Variants in SHMT2 observed in about 807,000 individuals in gnomAD.
The protein encoded by SHMT2 is serine hydroxymethyltransferase, mitochondrial.
Under a neutral mutation model 59.6 loss-of-function variants are expected in SHMT2, and 38 were observed. The ratio of observed to expected loss-of-function variants is 0.64; its 90% CI spans 0.49 to 0.84. SHMT2 has a LOEUF of 0.84. Among genes scored for constraint, SHMT2 ranks in the 40% least tolerant of loss-of-function variants. The pLI is 0.00. For synonymous variants in SHMT2, 254 were observed against 258.1 expected (o/e 0.98, Z 0.15); for missense variants, 533 against 659.5 (o/e 0.81, Z 2.10).
intron 2 of SHMT2, 25 bp downstream of exon 2, chr12:57,231,025 G>T: frequency 6.2e-7 from 1 of 1,610,192 alleles, no homozygotes; most frequent in Non-Finnish European, 8.5e-7. Context: ...GATGGGCAGG[G>T]GTTGGGCCAC....
Position 57,234,799 on chromosome 12 carries a change from G to A in SHMT2, c.*438G>A, listed in dbSNP as rs369375949. ...ATTTGTCTCCCTCAATGTGTACACC[G>A]CTCCGCTCCCACCACCGCTACCACA... On this transcript the variant is annotated 3_prime_UTR_variant, in exon 12 of 12. Transcript: ENST00000328923. The A allele has an allele frequency of 2.0e-4, 32 of 157,934 alleles. No homozygotes were observed. The highest frequency in any genetic ancestry group is 3.9e-4 in the South Asian group (2 of 5,082). The allele number at this position is 157,934 out of a possible 1,614,324, so 9.8% of individuals were successfully genotyped here.
Position 57,234,222 on chromosome 12 carries a change from C to T in SHMT2, c.1388-12C>T, listed in dbSNP as rs2037459781. 1 of 1,610,074 alleles carries T rather than the reference C, an allele frequency of 6.2e-7. No individual in the cohort carries two copies. The highest frequency in any genetic ancestry group is 1.1e-5 in the South Asian group (1 of 90,614). On this transcript the variant is annotated splice_polypyrimidine_tract_variant and intron_variant, in intron 11 of 11. Coordinates refer to ENST00000328923, the MANE Select transcript of SHMT2 (RefSeq NM_005412.6). ...AGCTCTGACCACTTGTTTCCTCACC[C>T]TCTCTCTCTAGCCAAGCTCCAGGAT...
chr12:57,232,681 G>A, intron 6 of SHMT2, 23 bp from the exon 7 acceptor site: 1 of 1,607,096 alleles, frequency 6.2e-7, no homozygotes, highest in Non-Finnish European at 8.5e-7. Context: ...CCAGGCTGAG[G>A]CCTTGCCTCT....
At chr12:57,231,949 C>T (rs781698325) in intron 4 of SHMT2, 36 bp downstream of exon 4, 15 of 1,572,632 alleles carry the variant, frequency 9.5e-6, no homozygotes, top group Non-Finnish European at 1.3e-5. Context: ...GTCTTGGCGG[C>T]AGGATTGGTG....
rs1422073935 is a variant in SHMT2, at chr12:57,234,499, CCCTT to C, written c.*141_*144del. 2.1e-5 allele frequency: 18 copies of C among 871,500 alleles called. No homozygotes were observed. In the African/African-American group the frequency reaches 2.7e-4, roughly 13 times the overall value. 54.0% of individuals were successfully genotyped at this position (871,500 alleles called of 1,614,324 possible). ...TTAGGGCAAGAGCCAGGTATAGTCT[CCCTT>C]CCCAGAATTTGTAACTGAGAAGATC... On this transcript the variant is annotated 3_prime_UTR_variant, in exon 12 of 12. Coordinates refer to ENST00000328923, the MANE Select transcript of SHMT2 (RefSeq NM_005412.6).
In SHMT2 at chr12:57,231,539, C is replaced by T; in HGVS notation, c.290C>T (p.Ser97Leu). The T allele has an allele frequency of 1.2e-6, 2 of 1,614,186 alleles. No homozygotes were observed. The highest frequency in any genetic ancestry group is 1.1e-5 in the South Asian group (1 of 91,076). The change falls in exon 3 of 12, where the codon TCG becomes TTG. Residue 97 changes from serine (S) to leucine (L), a missense_variant. By Grantham distance (145) the Ser-to-Leu change is moderately radical. Transcript: ENST00000328923. ...GGGTCCTGTCTGAACAACAAGTACT[C>T]GGAGGGTTATCCTGGCAAGAGGTGA... ...ALGSCLNNKY[S>L]EGYPGKRYYG...
In SHMT2 at chr12:57,233,994, T is replaced by C. The variant is rs1399906450; in HGVS notation, c.1280-9T>C. 1 of 1,614,166 alleles carries C rather than the reference T, an allele frequency of 6.2e-7. No homozygotes were observed. On this transcript the variant is annotated splice_polypyrimidine_tract_variant and intron_variant, in intron 10 of 11. Transcript: ENST00000328923. ...CTATGCTCATCCCTCCCCTTGTGCCTCGTTCCAGGGGCCCCAGCCTTAACT... is the reference window on the plus strand; with the variant it reads ...CTATGCTCATCCCTCCCCTTGTGCCCCGTTCCAGGGGCCCCAGCCTTAACT...
intron 4 of SHMT2, 123 bp from the exon 5 acceptor site, chr12:57,232,088 A>G: frequency 8.8e-7 from 1 of 1,133,510 alleles, no homozygotes; most frequent in Non-Finnish European, 1.3e-6. Context: ...CAGAGTGGAC[A>G]GAGCAGTGAG....
Position 57,229,738 on chromosome 12 carries a change from C to T in SHMT2, c.-41C>T. Reference sequence around the variant, plus strand: ...TCTTCCGACAGCTTGCTGCCCTAGACCAGAGTTGGTGGCTGGACCTCCTGC... The same window carrying T: ...TCTTCCGACAGCTTGCTGCCCTAGATCAGAGTTGGTGGCTGGACCTCCTGC... On this transcript the variant is annotated 5_prime_UTR_variant, in exon 1 of 12. Coordinates refer to ENST00000328923, the MANE Select transcript of SHMT2 (RefSeq NM_005412.6). 1 of 1,613,772 alleles carries T rather than the reference C, an allele frequency of 6.2e-7. No individual in the cohort carries two copies. The highest frequency in any genetic ancestry group is 8.5e-7 in the Non-Finnish European group (1 of 1,179,622).
In SHMT2 at chr12:57,231,703, C is replaced by T; in HGVS notation, c.312-10C>T. 7.4e-6 allele frequency: 12 copies of T among 1,614,014 alleles called. No homozygotes were observed. Among genetic ancestry groups the T allele is most frequent in the Non-Finnish European group, 1.0e-5 (12 of 1,180,000 alleles). On this transcript the variant is annotated splice_polypyrimidine_tract_variant and intron_variant, in intron 3 of 11. Transcript: ENST00000328923. ...TTCTCTGTGCCCTCATTACCCCTCT[C>T]CCACGGCAGATACTATGGGGGAGCA...
chr12:57,229,898 T>A, intron 1 of SHMT2, 87 bp downstream of exon 1: 1 of 1,571,720 alleles, frequency 6.4e-7, no homozygotes. Context: ...TCTGGGGTTC[T>A]CTTGGCTTTT....
chr12:57,232,523 T>C lies in SHMT2; in HGVS notation c.665T>C (p.Ile222Thr). 1.2e-6 allele frequency: 2 copies of C among 1,614,238 alleles called. No individual in the cohort carries two copies. The highest frequency in any genetic ancestry group is 1.1e-5 in the South Asian group (1 of 91,086). ...TARLFRPRLIIAGTSAYARLI... is the reference protein window; with the variant it reads ...TARLFRPRLITAGTSAYARLI... ...CGACTTTTCCGGCCACGGCTCATCA[T>C]AGCTGGCACCAGCGCCTATGCTCGC... is the stretch of plus-strand genomic sequence containing the variant. Residue 222 changes from isoleucine (I) to threonine (T), a missense_variant, in exon 6 of 12, where the codon ATA becomes ACA. By Grantham distance (89) the Ile-to-Thr change is moderately conservative. Coordinates refer to ENST00000328923, the MANE Select transcript of SHMT2 (RefSeq NM_005412.6).
Position 57,232,214 on chromosome 12 carries a change from C to A in SHMT2, c.516C>A (p.Leu172=). Residue 172 remains leucine, a synonymous_variant, in exon 5 of 12, where the codon CTC becomes CTA. Transcript: ENST00000328923. ...CTTACTTCCTCTCACTTCGCAGTCT[C>A]ACCCACGGCTACATGTCTGACGTCA... The part of the protein sequence containing the change: ...MGLDLPDGGH[L]THGYMSDVKR... 6.2e-7 allele frequency: 1 copy of A among 1,614,126 alleles called. No homozygotes were observed. Among genetic ancestry groups the A allele is most frequent in the African/African-American group, 1.3e-5 (1 of 75,046 alleles).
In SHMT2 at chr12:57,229,784, GT is replaced by G; in HGVS notation, c.7del (p.Tyr3ThrfsTer90). 6.2e-7 allele frequency: 1 copy of G among 1,614,184 alleles called. No individual in the cohort carries two copies. The highest frequency in any genetic ancestry group is 8.5e-7 in the Non-Finnish European group (1 of 1,179,996). ...CCTGCGACTTCCGAGTTGCGATGCT[GT>G]ACTTCTCTTTGTTTTGGGCGGCTCG... ML[Y>X]FSLFWAARPL... On this transcript the variant is annotated frameshift_variant, in exon 1 of 12. Coordinates refer to ENST00000328923, the MANE Select transcript of SHMT2 (RefSeq NM_005412.6). LOFTEE classifies it high-confidence loss of function.
At chr12:57,233,480 C>A in intron 8 of SHMT2, 83 bp from the exon 9 acceptor site, 1 of 1,519,654 alleles carries the variant, frequency 6.6e-7, no homozygotes, top group Non-Finnish European at 9.0e-7. Flanking sequence ...GGTCACAGAG[C>A]TATGCTGAGG....
chr12:57,234,297 A>G lies in SHMT2; in HGVS notation c.1451A>G (p.Asn484Ser), dbSNP rs755044578. 2 of 1,613,758 alleles carry G rather than the reference A, an allele frequency of 1.2e-6. No individual in the cohort carries two copies. The highest frequency in any genetic ancestry group is 1.7e-6 in the Non-Finnish European group (2 of 1,179,824). Residue 484 changes from asparagine (N) to serine (S), a missense_variant, in exon 12 of 12, where the codon AAC becomes AGC. Transcript: ENST00000328923. ...KDSETSQRLA[N>S]LRQRVEQFAR... is the part of the protein sequence containing the mutation. ...TCAGAAACAAGTCAGCGTCTGGCCA[A>G]CCTCAGGCAACGGGTGGAGCAGTTT...
chr12:57,232,409 C>T lies in SHMT2; in HGVS notation c.595-44C>T, dbSNP rs1481956755. Reference sequence around the variant, plus strand: ...AGGGTTAAGGAGGAGAGTGAGCTGCCCTGCTTCCTTCTCAGGGCTTTAGCT... The same window carrying T: ...AGGGTTAAGGAGGAGAGTGAGCTGCTCTGCTTCCTTCTCAGGGCTTTAGCT... On this transcript the variant is annotated intron_variant, in intron 5 of 11. Transcript: ENST00000328923. 5 of 1,614,054 alleles carry T rather than the reference C, an allele frequency of 3.1e-6. No homozygotes were observed. In the South Asian group the frequency reaches 3.3e-5, roughly 11 times the overall value.
At position 57,230,910 on chromosome 12, in the gene SHMT2, G is replaced by A; in HGVS notation, c.141G>A (p.Glu47=). ...GEANRGWTGQ[E]SLSDSDPEMW... ...CAAACAGGGGCTGGACAGGCCAGGA[G>A]AGCCTGTCGGACAGTGATCCTGAGA... The change falls in exon 2 of 12, where the codon GAG becomes GAA. Residue 47 remains glutamate, a synonymous_variant. Coordinates refer to ENST00000328923, the MANE Select transcript of SHMT2 (RefSeq NM_005412.6). 1 of 1,614,124 alleles carries A rather than the reference G, an allele frequency of 6.2e-7. No homozygotes were observed. The highest frequency in any genetic ancestry group is 1.1e-5 in the South Asian group (1 of 91,076).
Position 57,230,853 on chromosome 12 carries a change from C to T in SHMT2, c.84C>T (p.His28=). Residue 28 remains histidine, a synonymous_variant, in exon 2 of 12, where the codon CAC becomes CAT. Coordinates refer to ENST00000328923, the MANE Select transcript of SHMT2 (RefSeq NM_005412.6). ...TCAGGATGGCCATTCGGGCTCAGCA[C>T]AGCAACGCAGCCCAGACTCAGACTG... ...QLVRMAIRAQ[H]SNAAQTQTGE... 6.2e-7 allele frequency: 1 copy of T among 1,614,110 alleles called. No homozygotes were observed. Among genetic ancestry groups the T allele is most frequent in the Non-Finnish European group, 8.5e-7 (1 of 1,180,012 alleles).
Sources: gnomAD v4.1 joint callset for allele counts on GRCh38, gnomAD v4.1.1 for gene constraint, MANE v1.5 for transcripts, NCBI Gene and HGNC (gene_info 2026-07-23, HGNC 2026-07-21) for gene names.